The following RIPOR2 variants were observed in gnomAD, a reference collection of about 807,000 sequenced individuals.
RIPOR2 encodes the protein RHO family interacting cell polarization regulator 2.
Under a neutral mutation model 114.5 loss-of-function variants are expected in RIPOR2, and 39 were observed. The observed-to-expected ratio is 0.34, with a 90% CI of 0.26 to 0.44. The LOEUF (loss-of-function observed/expected upper bound fraction) is 0.44, where lower values mean the gene tolerates loss of function less well. Ranked by LOEUF, RIPOR2 falls within the 20% of genes least tolerant of loss-of-function variation. RIPOR2 has a pLI of 1.00. For synonymous variants in RIPOR2, 445 were observed against 484.4 expected (o/e 0.92, Z 1.07); for missense variants, 1,007 against 1,255.1 (o/e 0.80, Z 2.99).
chr6:24,852,476 A>G, intron 9 of RIPOR2, 99 bp downstream of exon 9: 1 of 970,478 alleles, frequency 1.0e-6, no homozygotes, highest in Non-Finnish European at 1.6e-6. Flanking sequence ...TAAAAATTAA[A>G]AAAAAAAAAG....
intron 1 of RIPOR2, among the ~76,000 whole-genome samples, chr6:24,984,651 C>CA (rs34218427): frequency 0.38 from 56,030 of 147,934 alleles, 10,863 homozygotes; most frequent in South Asian, 0.43. Context: ...CCCCGTCTCT[C>CA]AAAAAAAAAA....
At chr6:24,832,595 G>A (rs929259546) in intron 15 of RIPOR2, among the ~76,000 whole-genome samples, 7 of 152,086 alleles carry the variant, frequency 4.6e-5, no homozygotes, top group African/African-American at 1.4e-4. Flanking sequence ...GCATTTCTTC[G>A]TGTGTGCATA....
At chr6:24,969,568 C>T (rs1412069928) in intron 1 of RIPOR2, among the ~76,000 whole-genome samples, 1 of 152,128 alleles carries the variant, frequency 6.6e-6, no homozygotes, top group Admixed American at 6.5e-5. Context: ...CCCCAATGTG[C>T]AAACTTGAAT....
chr6:24,977,005 C>T, intron 1 of RIPOR2: 1 of 1,496,998 alleles, frequency 6.7e-7, no homozygotes, highest in East Asian at 2.3e-5. Context: ...TTTATCTTAA[C>T]CACCAGATCA....
intron 1 of RIPOR2, among the ~76,000 whole-genome samples, chr6:25,029,829 T>G (rs559183215): frequency 6.6e-6 from 1 of 152,350 alleles, no homozygotes; most frequent in East Asian, 1.9e-4. Flanking sequence ...AGTTAAAAGC[T>G]GGGTTAAAAA....
At chr6:24,996,152 A>C (rs1363973243) in intron 1 of RIPOR2, among the ~76,000 whole-genome samples, 1 of 152,228 alleles carries the variant, frequency 6.6e-6, no homozygotes, top group Non-Finnish European at 1.5e-5. Context: ...TTCCATGCTT[A>C]AAGTCTTTCA....
chr6:24,810,809 C>T (rs924746208), intron 20 of RIPOR2, among the ~76,000 whole-genome samples: 2 of 151,072 alleles, frequency 1.3e-5, no homozygotes, highest in Non-Finnish European at 3.0e-5. Context: ...ACAGCTGTTT[C>T]TTTTTTTTTC....
chr6:24,946,000 C>T (rs7775482), intron 1 of RIPOR2, among the ~76,000 whole-genome samples: 7,731 of 152,182 alleles, frequency 0.051, 332 homozygotes, highest in African/African-American at 0.11. Context: ...GTCAACCTCA[C>T]TCATCTCATT....
chr6:25,039,260 G>A (rs576068711), intron 1 of RIPOR2, among the ~76,000 whole-genome samples: 14 of 152,284 alleles, frequency 9.2e-5, no homozygotes, highest in African/African-American at 3.4e-4. Context: ...TCCTTCCCTC[G>A]CAGGTGTCTT....
intron 8 of RIPOR2, among the ~76,000 whole-genome samples, chr6:24,856,659 G>A (rs1763503850): frequency 6.6e-6 from 1 of 152,190 alleles, no homozygotes; most frequent in South Asian, 2.1e-4. Flanking sequence ...GGAGGCTGAG[G>A]CATGAGAATC....
intron 1 of RIPOR2, among the ~76,000 whole-genome samples, chr6:24,919,717 C>T (rs181677496): frequency 5.9e-5 from 9 of 152,264 alleles, no homozygotes; most frequent in East Asian, 1.9e-4. Context: ...GAAGAGCAAA[C>T]GTACACAGGC....
At chr6:24,933,218 T>C (rs113912064) in intron 1 of RIPOR2, among the ~76,000 whole-genome samples, 1 of 152,230 alleles carries the variant, frequency 6.6e-6, no homozygotes, top group East Asian at 1.9e-4. Flanking sequence ...AAACCCATTT[T>C]TGTAAATAGA....
intron 12 of RIPOR2, among the ~76,000 whole-genome samples, 169 bp from the exon 13 acceptor site, chr6:24,843,723 G>A (rs1032573963): frequency 6.6e-6 from 1 of 150,788 alleles, no homozygotes; most frequent in African/African-American, 2.5e-5. Flanking sequence ...GTGTGTGTGT[G>A]TGTGTGTGTG....
At chr6:24,900,575 T>A (rs1768340531) in intron 1 of RIPOR2, among the ~76,000 whole-genome samples, 1 of 152,000 alleles carries the variant, frequency 6.6e-6, no homozygotes, top group Admixed American at 6.6e-5. Context: ...CTGGCCAACA[T>A]GGTGAAACCC....
chr6:24,897,050 C>G (rs904519916), intron 1 of RIPOR2, among the ~76,000 whole-genome samples: 1 of 152,172 alleles, frequency 6.6e-6, no homozygotes, highest in African/African-American at 2.4e-5. Flanking sequence ...GACAATCAGC[C>G]GCTCTGAACA....
chr6:24,879,310 TA>T (rs901238428), intron 1 of RIPOR2, among the ~76,000 whole-genome samples: 1 of 152,178 alleles, frequency 6.6e-6, no homozygotes, highest in African/African-American at 2.4e-5. Flanking sequence ...CGCGCCACTG[TA>T]CTCCAGCCTG....
intron 14 of RIPOR2, among the ~76,000 whole-genome samples, chr6:24,837,242 C>A (rs1234435726): frequency 1.3e-5 from 2 of 152,156 alleles, no homozygotes; most frequent in African/African-American, 4.8e-5. Flanking sequence ...CCCACCTCAG[C>A]CTCCTGAGTA....
chr6:25,009,519 C>T (rs1490190547), intron 1 of RIPOR2, among the ~76,000 whole-genome samples: 2 of 152,194 alleles, frequency 1.3e-5, no homozygotes, highest in African/African-American at 4.8e-5. Flanking sequence ...TTTGATCAAA[C>T]TTCATTCAAA....
At chr6:24,820,380 A>G (rs1562217144) in intron 19 of RIPOR2, among the ~76,000 whole-genome samples, 1 of 152,228 alleles carries the variant, frequency 6.6e-6, no homozygotes, top group Non-Finnish European at 1.5e-5. Flanking sequence ...AATTGAAAAT[A>G]TAATTTATAT....
Sources: gnomAD v4.1 joint callset for allele counts (sites outside exome capture counted in the v4.1 genomes callset) on GRCh38, gnomAD v4.1.1 for gene constraint, MANE v1.5 for transcripts, NCBI Gene and HGNC (gene_info 2026-07-23, HGNC 2026-07-21) for gene names.